RFX3: variants seen among roughly 807,000 people sequenced by gnomAD.
RFX3 encodes the protein transcription factor RFX3.
A neutral mutation model predicts 98.6 loss-of-function variants in RFX3; 14 were observed. The ratio of observed to expected loss-of-function variants is 0.14; its 90% confidence interval spans 0.09 to 0.22. The LOEUF (loss-of-function observed/expected upper bound fraction) is 0.22. RFX3 is among the 10% of genes least tolerant of loss of function. RFX3 has a pLI of 1.00. For synonymous variants in RFX3, 383 were observed against 328.4 expected (o/e 1.17, Z -1.80); for missense variants, 639 against 926.9 (o/e 0.69, Z 4.03).
intron 1 of RFX3, among the ~76,000 whole-genome samples, chr9:3,425,085 A>G (rs1843881101): frequency 6.6e-6 from 1 of 152,136 alleles, no homozygotes; most frequent in Non-Finnish European, 1.5e-5. Context: ...AAAAATTTTA[A>G]AACTTAGCCA....
intron 2 of RFX3, among the ~76,000 whole-genome samples, chr9:3,382,370 A>C (rs899165367): frequency 1.3e-5 from 2 of 152,198 alleles, no homozygotes; most frequent in Non-Finnish European, 2.9e-5. Flanking sequence ...TGTCAACTAT[A>C]ATATGAATTT....
At chr9:3,330,604 AT>A in intron 3 of RFX3, 87 bp from the exon 4 acceptor site, 3 of 1,286,770 alleles carry the variant, frequency 2.3e-6, no homozygotes, top group Non-Finnish European at 3.2e-6. Context: ...ATTGAAATAT[AT>A]TGGTTGGCTT....
chr9:3,459,409 T>A (rs148000594), intron 1 of RFX3, among the ~76,000 whole-genome samples: 169 of 152,236 alleles, frequency 1.1e-3, no homozygotes, highest in African/African-American at 3.8e-3. Context: ...AGACACATGG[T>A]AAGTTTCAGG....
intron 15 of RFX3, among the ~76,000 whole-genome samples, chr9:3,236,834 G>A (rs1819220500): frequency 6.6e-6 from 1 of 152,186 alleles, no homozygotes; most frequent in Non-Finnish European, 1.5e-5. Flanking sequence ...CCAGCAAATG[G>A]TAACTTTAGA....
At chr9:3,299,712 A>G (rs1309409819) in intron 5 of RFX3, among the ~76,000 whole-genome samples, 1 of 151,862 alleles carries the variant, frequency 6.6e-6, no homozygotes, top group Admixed American at 6.6e-5. Context: ...ACATTTATTA[A>G]TCTTAAACAT....
At chr9:3,349,522 C>T (rs900728099) in intron 2 of RFX3, among the ~76,000 whole-genome samples, 2 of 151,974 alleles carry the variant, frequency 1.3e-5, no homozygotes, top group African/African-American at 4.8e-5. Context: ...ATAAAACAGG[C>T]AATATATTTG....
rs781614960 is a variant in RFX3, at chr9:3,270,479, T to A, written c.1249A>T (p.Thr417Ser). 1.2e-6 allele frequency: 2 copies of A among 1,613,702 alleles called. No homozygotes were observed. Among genetic ancestry groups the A allele is most frequent in the Non-Finnish European group, 1.7e-6 (2 of 1,179,762 alleles). The change falls in exon 11 of 17, where the codon ACT (threonine) becomes TCT (serine). Residue 417 changes from threonine to serine, a missense_variant. This residue lies in a region of RFX3 where 138 missense variants were observed against 308.9 expected (regional missense o/e 0.45). Transcript: ENST00000617270. ...ESRLPKAKLI[T>S]LCKHESILKW... ...AGGATAGACTCATGTTTGCACAGAG[T>A]TATCAGCTTTGCTTTCGGAAGTCGA...
intron 1 of RFX3, among the ~76,000 whole-genome samples, chr9:3,476,944 A>G (rs1399952423): frequency 1.3e-5 from 2 of 152,110 alleles, no homozygotes; most frequent in Non-Finnish European, 2.9e-5. Flanking sequence ...TCTTAATTCA[A>G]TTTTCCCCAT....
intron 7 of RFX3, among the ~76,000 whole-genome samples, chr9:3,283,534 T>C (rs1426260438): frequency 6.6e-6 from 1 of 151,804 alleles, no homozygotes; most frequent in African/African-American, 2.4e-5. Context: ...CTATGAACCC[T>C]ATATTAAGAA....
intron 1 of RFX3, among the ~76,000 whole-genome samples, chr9:3,436,484 C>CT (rs559731743): frequency 5.5e-4 from 84 of 152,076 alleles, no homozygotes; most frequent in Non-Finnish European, 1.0e-3. Flanking sequence ...AAGATAAACA[C>CT]TATCAACAGA....
chr9:3,293,011 A>G, intron 6 of RFX3, 66 bp downstream of exon 6: 1 of 1,286,380 alleles, frequency 7.8e-7, no homozygotes. Flanking sequence ...TTGTTTAAAC[A>G]ATATATTGAA....
intron 7 of RFX3, among the ~76,000 whole-genome samples, chr9:3,285,115 C>G (rs1218236706): frequency 4.0e-5 from 6 of 151,694 alleles, no homozygotes; most frequent in Admixed American, 4.0e-4. Flanking sequence ...ATTTAATTAA[C>G]AAAATAATCA....
chr9:3,240,524 A>C (rs1241210018), intron 15 of RFX3, among the ~76,000 whole-genome samples: 1 of 152,200 alleles, frequency 6.6e-6, no homozygotes, highest in East Asian at 1.9e-4. Context: ...GCAGTGTAGA[A>C]ACATGTTCCC....
At chr9:3,389,144 A>G (rs928299557) in intron 2 of RFX3, among the ~76,000 whole-genome samples, 2 of 152,276 alleles carry the variant, frequency 1.3e-5, no homozygotes, top group East Asian at 3.9e-4. Context: ...TTCTACCTTG[A>G]AAAGAAAACT....
At chr9:3,506,313 A>T (rs1171640019) in intron 1 of RFX3, among the ~76,000 whole-genome samples, 2 of 151,766 alleles carry the variant, frequency 1.3e-5, no homozygotes, top group Non-Finnish European at 2.9e-5. Context: ...AAATATCACA[A>T]ATGCAAACAT....
At chr9:3,483,491 A>C (rs937455238) in intron 1 of RFX3, among the ~76,000 whole-genome samples, 1 of 152,242 alleles carries the variant, frequency 6.6e-6, no homozygotes, top group African/African-American at 2.4e-5. Flanking sequence ...GATAATACAA[A>C]GGAGGGAAAA....
intron 11 of RFX3, among the ~76,000 whole-genome samples, chr9:3,270,015 G>A (rs1376302975): frequency 2.0e-5 from 3 of 151,096 alleles, no homozygotes; most frequent in Admixed American, 1.3e-4. Context: ...GTAGTTTACT[G>A]GGGCTGTTAT....
Position 3,330,307 on chromosome 9 carries a change from C to A in RFX3, c.426G>T (p.Glu142Asp). Residue 142 changes from glutamate to aspartate, a missense_variant, in exon 4 of 17, where the codon GAG (glutamate) becomes GAT (aspartate). This residue lies in a region of RFX3 where 210 missense variants were observed against 197.7 expected (regional missense o/e 1.06). Transcript: ENST00000617270. Reference sequence around the variant, plus strand: ...TGTGTGTCACTGAGTGACCAGAATTCTCCATTGAGTTGCCGATCAGATAGG... The same window carrying A: ...TGTGTGTCACTGAGTGACCAGAATTATCCATTGAGTTGCCGATCAGATAGG... ...GGTYLIGNSM[E>D]NSGHSVTHTT... 1 of 1,614,114 alleles carries A rather than the reference C, an allele frequency of 6.2e-7. No homozygotes were observed. The highest frequency in any genetic ancestry group is 8.5e-7 in the Non-Finnish European group (1 of 1,180,004).
chr9:3,237,218 C>T (rs1320738597), intron 15 of RFX3, among the ~76,000 whole-genome samples: 1 of 152,124 alleles, frequency 6.6e-6, no homozygotes, highest in Non-Finnish European at 1.5e-5. Flanking sequence ...GACTTGTTTT[C>T]CCACTCTATT....
Sources: gnomAD v4.1 joint callset for allele counts (sites outside exome capture counted in the v4.1 genomes callset) on GRCh38, gnomAD v4.1.1 for gene constraint, gnomAD v4.1.1 regional missense constraint, MANE v1.5 for transcripts, NCBI Gene and HGNC (gene_info 2026-07-23, HGNC 2026-07-21) for gene names.